The following PGAP1 variants were observed in gnomAD, a reference collection of about 807,000 sequenced individuals.
PGAP1 encodes post-GPI attachment to proteins inositol deacylase 1.
PGAP1 carries 76 observed loss-of-function variants against 127.0 expected under a neutral mutation model. The ratio of observed to expected loss-of-function variants is 0.60; its 90% CI spans 0.50 to 0.72. The LOEUF is 0.72. Among genes scored for constraint, PGAP1 ranks in the 30% least tolerant of loss-of-function variants. PGAP1 has a pLI of 0.00. For synonymous variants in PGAP1, 362 were observed against 366.5 expected (o/e 0.99, Z 0.14); for missense variants, 982 against 1,071.3 (o/e 0.92, Z 1.16).
intron 5 of PGAP1, among the ~76,000 whole-genome samples, chr2:196,898,894 T>C (rs1432257858): frequency 6.6e-6 from 1 of 151,722 alleles, no homozygotes; most frequent in Non-Finnish European, 1.5e-5. Context: ...CAAATCTGAC[T>C]TTCCCAAGCG....
intron 20 of PGAP1, among the ~76,000 whole-genome samples, chr2:196,862,017 G>A (rs1391224728): frequency 6.6e-6 from 1 of 151,234 alleles, no homozygotes; most frequent in Non-Finnish European, 1.5e-5. Flanking sequence ...TGAAATCTGG[G>A]CACCTTGAAA....
intron 4 of PGAP1, among the ~76,000 whole-genome samples, chr2:196,912,115 G>T (rs190690849): frequency 9.9e-5 from 15 of 151,974 alleles, no homozygotes; most frequent in Admixed American, 9.8e-4. Flanking sequence ...GATTAAGTGT[G>T]GTAACACATC....
At chr2:196,920,298 G>A in intron 1 of PGAP1, 148 bp from the exon 2 acceptor site, 1 of 650,882 alleles carries the variant, frequency 1.5e-6, no homozygotes, top group Non-Finnish European at 2.5e-6. Flanking sequence ...CACAAAACAA[G>A]TTCTACTTGT....
intron 20 of PGAP1, among the ~76,000 whole-genome samples, chr2:196,864,752 G>T (rs1229615301): frequency 6.6e-6 from 1 of 152,058 alleles, no homozygotes; most frequent in African/African-American, 2.4e-5. Context: ...TGCAGAGAAG[G>T]CTCATCATAA....
Position 196,902,648 on chromosome 2 carries a change from T to C in PGAP1, c.744A>G (p.Gln248=), listed in dbSNP as rs1263258855. 6.2e-7 allele frequency: 1 copy of C among 1,613,808 alleles called. No individual in the cohort carries two copies. The highest frequency in any genetic ancestry group is 8.5e-7 in the Non-Finnish European group (1 of 1,179,780). Residue 248 remains glutamine (Q), a synonymous_variant, in exon 5 of 27, where the codon CAA becomes CAG. Transcript: ENST00000354764. ...GTAGAAAAGTCAATCCTGAACGAAC[T>C]TGGTAATCCCGGAATCCTCCAGCTA... ...LSVAGGFRDY[Q]VRSGLTFLPK...
intron 10 of PGAP1, among the ~76,000 whole-genome samples, chr2:196,886,708 T>A (rs1269985214): frequency 6.6e-6 from 1 of 150,996 alleles, no homozygotes; most frequent in East Asian, 2.0e-4. Context: ...AATAAGTCCC[T>A]TTTTTTTTGA....
At chr2:196,906,971 CT>C (rs1194574739) in intron 4 of PGAP1, among the ~76,000 whole-genome samples, 1 of 144,754 alleles carries the variant, frequency 6.9e-6, no homozygotes, top group Admixed American at 6.8e-5. Context: ...AAATCTACGT[CT>C]GATTGGTGTA....
chr2:196,913,129 T>C (rs1702888230), intron 3 of PGAP1, 76 bp from the exon 4 acceptor site: 1 of 1,333,428 alleles, frequency 7.5e-7, no homozygotes, highest in African/African-American at 1.5e-5. Context: ...TCTCTGCATA[T>C]GACCAATTTT....
intron 13 of PGAP1, among the ~76,000 whole-genome samples, 167 bp downstream of exon 13, chr2:196,879,909 T>C (rs1701679414): frequency 6.6e-6 from 1 of 152,200 alleles, no homozygotes; most frequent in African/African-American, 2.4e-5. Context: ...TCATTCTGCT[T>C]AGTTCAAGTT....
At chr2:196,886,708 T>G (rs1269985214) in intron 10 of PGAP1, among the ~76,000 whole-genome samples, 2 of 150,996 alleles carry the variant, frequency 1.3e-5, no homozygotes, top group Non-Finnish European at 1.5e-5. Flanking sequence ...AATAAGTCCC[T>G]TTTTTTTTGA....
At chr2:196,884,872 C>T (rs932228139) in intron 12 of PGAP1, among the ~76,000 whole-genome samples, 3 of 152,140 alleles carry the variant, frequency 2.0e-5, no homozygotes, top group African/African-American at 4.8e-5. Context: ...TGAGACTGCG[C>T]AAATAAGCCC....
At chr2:196,926,399 C>T (rs1703361747) in intron 1 of PGAP1, 71 bp downstream of exon 1, 1 of 1,601,710 alleles carries the variant, frequency 6.2e-7, no homozygotes, top group Admixed American at 1.7e-5. Context: ...GCAGGACGAA[C>T]CCACAGAAGG....
chr2:196,851,015 A>C (rs1041717091), intron 20 of PGAP1, among the ~76,000 whole-genome samples: 2 of 152,132 alleles, frequency 1.3e-5, no homozygotes, highest in Non-Finnish European at 2.9e-5. Flanking sequence ...AAACATAGAA[A>C]ATGCAAAAGT....
chr2:196,922,547 T>C (rs1703230158), intron 1 of PGAP1: 23 of 968,006 alleles, frequency 2.4e-5, no homozygotes, highest in East Asian at 1.2e-4. Context: ...CTATAATCCA[T>C]AGTTCATACT....
intron 1 of PGAP1, among the ~76,000 whole-genome samples, chr2:196,923,866 CA>C (rs1703289699): frequency 6.6e-6 from 1 of 152,174 alleles, no homozygotes; most frequent in Non-Finnish European, 1.5e-5. Flanking sequence ...GATAGCCAGA[CA>C]AATCACTGTA....
intron 22 of PGAP1, among the ~76,000 whole-genome samples, chr2:196,846,243 C>G (rs1267349231): frequency 6.6e-6 from 1 of 152,040 alleles, no homozygotes; most frequent in Non-Finnish European, 1.5e-5. Flanking sequence ...AATACTATAG[C>G]TGATACTTGT....
At chr2:196,852,901 T>C (rs1700766216) in intron 20 of PGAP1, among the ~76,000 whole-genome samples, 1 of 152,162 alleles carries the variant, frequency 6.6e-6, no homozygotes, top group African/African-American at 2.4e-5. Flanking sequence ...ATGAAAAAAG[T>C]TGATGAAGAG....
At chr2:196,843,181 C>T (rs1700462781) in intron 25 of PGAP1, among the ~76,000 whole-genome samples, 1 of 152,028 alleles carries the variant, frequency 6.6e-6, no homozygotes, top group Admixed American at 6.5e-5. Flanking sequence ...AATGAAGGTT[C>T]ATGAAGTTAA....
chr2:196,912,762 A>AC lies in PGAP1; in HGVS notation c.649+119dup, dbSNP rs1298082613. The AC allele has an allele frequency of 3.6e-6, 3 of 838,200 alleles. No individual in the cohort carries two copies. The East Asian group carries it at 8.8e-5, about 25-fold the overall frequency. 51.9% of individuals were successfully genotyped at this position (838,200 alleles called of 1,614,324 possible). On this transcript the variant is annotated intron_variant, in intron 4 of 26. Coordinates refer to ENST00000354764, the MANE Select transcript of PGAP1 (RefSeq NM_024989.4). ...TCAGAATTGGAGGTGCTGATTTGCA[A>AC]CTGAGTTGCTTCATACATGGATAAA...
Sources: gnomAD v4.1 joint callset for allele counts (sites outside exome capture counted in the v4.1 genomes callset) on GRCh38, gnomAD v4.1.1 for gene constraint, MANE v1.5 for transcripts, NCBI Gene and HGNC (gene_info 2026-07-23, HGNC 2026-07-21) for gene names.